The following SLC4A4 variants were observed in gnomAD, a reference collection of about 807,000 sequenced individuals.
The protein encoded by SLC4A4 is electrogenic sodium bicarbonate cotransporter 1.
Under a neutral mutation model 111.5 loss-of-function variants are expected in SLC4A4, and 27 were observed. That is an observed-to-expected ratio of 0.24 (90% confidence interval 0.18 to 0.33). SLC4A4 has a LOEUF of 0.33. Ranked by LOEUF, SLC4A4 falls within the 10% of genes least tolerant of loss-of-function variation. The pLI is 1.00. For synonymous variants in SLC4A4, 443 were observed against 463.4 expected (o/e 0.96, Z 0.57); for missense variants, 909 against 1,315.5 (o/e 0.69, Z 4.78).
At chr4:71,294,512 T>C (rs1724623305) in intron 3 of SLC4A4, among the ~76,000 whole-genome samples, 1 of 152,204 alleles carries the variant, frequency 6.6e-6, no homozygotes, top group Non-Finnish European at 1.5e-5. Context: ...TTAATGGCAG[T>C]GGAGTGGGTA....
chr4:71,349,229 T>G (rs1484664011), intron 4 of SLC4A4, among the ~76,000 whole-genome samples: 1 of 152,212 alleles, frequency 6.6e-6, no homozygotes, highest in Non-Finnish European at 1.5e-5. Flanking sequence ...TCTCATATTA[T>G]CAGAATAATC....
intron 7 of SLC4A4, among the ~76,000 whole-genome samples, chr4:71,439,502 C>T (rs961246930): frequency 7.2e-6 from 1 of 138,384 alleles, no homozygotes; most frequent in African/African-American, 2.6e-5. Context: ...CTCCATCTTG[C>T]CAAATTTATT....
chr4:71,555,775 A>T (rs1736416727), intron 21 of SLC4A4, among the ~76,000 whole-genome samples: 1 of 151,920 alleles, frequency 6.6e-6, no homozygotes, highest in Admixed American at 6.6e-5. Context: ...GGTGGTGCAC[A>T]CTTTTAATCT....
rs943019095 is a variant in SLC4A4, at chr4:71,122,092, A to C, written c.-2+29300A>C. Among the ~76,000 whole-genome samples the C allele has an allele frequency of 5.9e-5, 9 of 152,192 alleles. No individual in the cohort carries two copies. In the South Asian group the frequency reaches 1.0e-3, roughly 18 times the overall value. ...AACACATCCAAACATCAGAAGGAAC[A>C]AACTCCGGACACACCATCTTTAAGA... On this transcript the variant is annotated intron_variant, in intron 2 of 26. Coordinates refer to the SLC4A4 transcript ENST00000649996.
At chr4:71,268,076 T>TTTTTTG (rs1560830244) in intron 3 of SLC4A4, among the ~76,000 whole-genome samples, 2 of 11,114 alleles carry the variant, frequency 1.8e-4, no homozygotes, top group African/African-American at 2.3e-4. Flanking sequence ...TAAAGTAGTG[T>TTTTTTG]TTTTTTTTTT....
chr4:71,388,106 C>T (rs1027648631), intron 6 of SLC4A4, among the ~76,000 whole-genome samples: 3 of 152,200 alleles, frequency 2.0e-5, no homozygotes, highest in Non-Finnish European at 1.5e-5. Context: ...CCCTCTTAGC[C>T]TTTAACTAGC....
intron 14 of SLC4A4, among the ~76,000 whole-genome samples, chr4:71,484,221 T>C (rs1343695083): frequency 6.6e-6 from 1 of 151,968 alleles, no homozygotes; most frequent in Non-Finnish European, 1.5e-5. Flanking sequence ...CAATTGCTTT[T>C]GGCATCTTTG....
At chr4:71,116,874 C>T (rs1007624565) in intron 2 of SLC4A4, among the ~76,000 whole-genome samples, 61 of 150,732 alleles carry the variant, frequency 4.0e-4, no homozygotes, top group African/African-American at 1.4e-3. Flanking sequence ...ACCCGGGAGG[C>T]GGAGGTTGCG....
At chr4:71,443,102 CTCTCTCTCTCTCTCTATA>C (rs1446254865) in intron 8 of SLC4A4, among the ~76,000 whole-genome samples, 3 of 98,166 alleles carry the variant, frequency 3.1e-5, no homozygotes, top group East Asian at 3.8e-4. Context: ...CTCTCTCTCT[CTCTCTCTCTCTCTCTATA>C]TATATATATA....
At chr4:71,129,094 A>G (rs1743631889) in intron 2 of SLC4A4, among the ~76,000 whole-genome samples, 1 of 152,244 alleles carries the variant, frequency 6.6e-6, no homozygotes, top group South Asian at 2.1e-4. Flanking sequence ...CAAGTGCAAC[A>G]AAAACAAAAA....
intron 13 of SLC4A4, among the ~76,000 whole-genome samples, chr4:71,467,681 T>G (rs1282100003): frequency 1.3e-5 from 2 of 152,122 alleles, no homozygotes; most frequent in East Asian, 3.9e-4. Flanking sequence ...TTTTAGAAAT[T>G]TATGGATCAT....
chr4:71,292,843 T>TTG (rs1491406382), intron 3 of SLC4A4, among the ~76,000 whole-genome samples: 95 of 73,164 alleles, frequency 1.3e-3, no homozygotes, highest in Admixed American at 1.5e-3. Flanking sequence ...GTTTTTTTTG[T>TTG]TTTTTTTTTT....
chr4:71,361,640 G>T (rs1175751033), intron 6 of SLC4A4, among the ~76,000 whole-genome samples: 1 of 152,126 alleles, frequency 6.6e-6, no homozygotes, highest in Non-Finnish European at 1.5e-5. Flanking sequence ...ATTGTTTTAG[G>T]TTGAACTATA....
chr4:71,362,217 A>T lies in SLC4A4; in HGVS notation c.730+5030A>T, dbSNP rs191838775. Among the ~76,000 whole-genome samples the T allele has an allele frequency of 1.4e-3, 209 of 152,322 alleles. 1 individual carries two copies. Among genetic ancestry groups the T allele is most frequent in the Admixed American group, 3.1e-3 (48 of 15,302 alleles). The stretch of plus-strand genomic sequence containing the variant: ...TGCCTTCCAAGGTCTGGGAGTATAG[A>T]TGCCCTTTGCTGAGAATTGGCTTTA... On this transcript the variant is annotated intron_variant, in intron 6 of 25. Transcript: ENST00000264485.
intron 6 of SLC4A4, among the ~76,000 whole-genome samples, chr4:71,385,383 A>T (rs1047535274): frequency 6.6e-6 from 1 of 151,266 alleles, no homozygotes; most frequent in Non-Finnish European, 1.5e-5. Flanking sequence ...TTTTTAATAG[A>T]GACGGGGTTT....
intron 6 of SLC4A4, among the ~76,000 whole-genome samples, chr4:71,395,623 T>G (rs1171316330): frequency 6.6e-6 from 1 of 152,208 alleles, no homozygotes; most frequent in Non-Finnish European, 1.5e-5. Flanking sequence ...GAAAACCTCA[T>G]TAATTTGGCT....
In SLC4A4 at chr4:71,557,787, C is replaced by T; in HGVS notation, c.2839C>T (p.Leu947=). The change falls in exon 22 of 26, where the codon CTG becomes TTG. Residue 947 remains leucine, a synonymous_variant. Transcript: ENST00000264485. ...CTTCATCTACCTGCGTCATGTTCCT[C>T]TGCGCAGAGTCCACCTGTTCACTTT... ...PDFIYLRHVP[L]RRVHLFTFLQ... is the part of the protein sequence containing the mutation. 2 of 1,612,714 alleles carry T rather than the reference C, an allele frequency of 1.2e-6. No homozygotes were observed. Among genetic ancestry groups the T allele is most frequent in the Non-Finnish European group, 1.7e-6 (2 of 1,179,244 alleles).
chr4:71,106,127 C>T (rs936427801), intron 2 of SLC4A4, among the ~76,000 whole-genome samples: 1 of 151,392 alleles, frequency 6.6e-6, no homozygotes, highest in Non-Finnish European at 1.5e-5. Flanking sequence ...TGAACAGACA[C>T]TTCTCAAAAG....
rs1253150902 is a variant in SLC4A4, at chr4:71,192,227, A to T, written c.-2+4826A>T. On this transcript the variant is annotated intron_variant, in intron 1 of 25. Transcript: ENST00000264485. ...ATTCTAGCTTTGGCCTGGAGATCTGATATTCACTGATAAGATCTAGTAACA... is the reference window on the plus strand; with the variant it reads ...ATTCTAGCTTTGGCCTGGAGATCTGTTATTCACTGATAAGATCTAGTAACA... 3.3e-5 allele frequency among the ~76,000 whole-genome samples: 5 copies of T among 152,132 alleles called. No homozygotes were observed. The East Asian group carries it at 9.6e-4, about 29-fold the overall frequency.
Sources: allele counts gnomAD v4.1 joint callset (sites outside exome capture counted in the v4.1 genomes callset), GRCh38; gene constraint gnomAD v4.1.1; transcripts MANE v1.5; gene names NCBI Gene and HGNC (gene_info 2026-07-23, HGNC 2026-07-21).